The following TNFSF14 variants were observed in gnomAD, a reference collection of about 807,000 sequenced individuals.
TNFSF14 encodes tumor necrosis factor ligand superfamily member 14.
In TNFSF14, 15 loss-of-function variants were observed where a neutral mutation model predicts 22.7. The ratio of observed to expected loss-of-function variants is 0.66; its 90% CI spans 0.44 to 1.02. The LOEUF (loss-of-function observed/expected upper bound fraction) is 1.02, where lower values mean the gene tolerates loss of function less well. Ranked by LOEUF, TNFSF14 falls within the 50% of genes least tolerant of loss-of-function variation. TNFSF14 has a pLI of 0.00. For missense variants in TNFSF14, 287 were observed against 326.2 expected, an observed-to-expected ratio of 0.88 and a Z score of 0.93; for synonymous variants, 133 against 139.6, an observed-to-expected ratio of 0.95 and a Z score of 0.33.
upstream of TNFSF14, chr19:6,670,406 G>A (rs568027058): frequency 6.6e-5 from 36 of 544,684 alleles, no homozygotes; most frequent in South Asian, 3.1e-4. Flanking sequence ...TATCGACTGA[G>A]GACTTTCTGC....
rs558323173 is a variant in TNFSF14, at chr19:6,667,726, G to C, written c.220-277C>G. 9.8e-5 allele frequency among the ~76,000 whole-genome samples: 15 copies of C among 152,352 alleles called. No individual in the cohort carries two copies. In the South Asian group the frequency reaches 2.9e-3, roughly 29 times the overall value. On this transcript the variant is annotated intron_variant, in intron 1 of 3. Transcript: ENST00000675206. ...TATGTAAGGCATTATTACAGTGCTT[G>C]GCACATAGTATGCACTAGAGAAAGG...
At chr19:6,669,258 T>A (rs1202379517) in intron 1 of TNFSF14, among the ~76,000 whole-genome samples, 7 of 151,408 alleles carry the variant, frequency 4.6e-5, no homozygotes, top group Non-Finnish European at 1.0e-4. Context: ...CTGAGGCGGG[T>A]GGATCTCCTG....
In TNFSF14 at chr19:6,670,131, AT is replaced by A; in HGVS notation, c.-63del. 6.3e-7 allele frequency: 1 copy of A among 1,592,470 alleles called. No homozygotes were observed. The highest frequency in any genetic ancestry group is 1.1e-5 in the South Asian group (1 of 89,840). On this transcript the variant is annotated 5_prime_UTR_variant, in exon 1 of 4. Transcript: ENST00000675206. ...TCCTTCAACCTCAGAGGAAACCGAA[AT>A]TGCTCAACACTCCTGGGCTGTGCAC...
At chr19:6,667,082 GC>G in intron 3 of TNFSF14, 30 bp downstream of exon 3, 1 of 1,609,542 alleles carries the variant, frequency 6.2e-7, no homozygotes, top group Non-Finnish European at 8.5e-7. Context: ...CCTGACCCCT[GC>G]CCCTTGCCAG....
chr19:6,668,045 T>C (rs1917480636), intron 1 of TNFSF14, among the ~76,000 whole-genome samples: 1 of 151,374 alleles, frequency 6.6e-6, no homozygotes, highest in Non-Finnish European at 1.5e-5. Context: ...AAAAAATAAA[T>C]AAATAAATAA....
At chr19:6,666,973 C>A in intron 3 of TNFSF14, 140 bp downstream of exon 3, 2 of 522,966 alleles carry the variant, frequency 3.8e-6, no homozygotes, top group Non-Finnish European at 6.4e-6. Context: ...AAATACATAG[C>A]ACTTGCAGCC....
chr19:6,670,281 C>T (rs924609275), upstream of TNFSF14: 6 of 1,420,068 alleles, frequency 4.2e-6, no homozygotes, highest in African/African-American at 8.6e-5. Context: ...CACTCTCACT[C>T]ATACAGACTC....
Position 6,664,881 on chromosome 19 carries a change from T to G in TNFSF14, c.*45A>C, listed in dbSNP as rs761354170. 102 of 1,529,990 alleles carry G rather than the reference T, an allele frequency of 6.7e-5. 2 individuals carry two copies. The South Asian group carries it at 1.2e-3, about 18-fold the overall frequency. 94.8% of individuals were successfully genotyped at this position (1,529,990 alleles called of 1,614,324 possible). A position where few individuals can be genotyped will look rare whatever the true frequency, so the allele number is the denominator to read the frequency against. The stretch of plus-strand genomic sequence containing the variant: ...TCTTTCCCCTGAGGCACCCTCTGAG[T>G]TCTCCACGTGTCAGACCCATGTCCA... On this transcript the variant is annotated 3_prime_UTR_variant, in exon 4 of 4. Coordinates refer to ENST00000675206, the MANE Select transcript of TNFSF14 (RefSeq NM_001376887.1). This position sits in a 1 kb window ranked among gnomAD's most constrained non-coding sequence, Gnocchi z 4.7.
intron 1 of TNFSF14, 86 bp from the exon 2 acceptor site, chr19:6,667,535 G>T: frequency 1.4e-6 from 2 of 1,435,284 alleles, no homozygotes; most frequent in South Asian, 2.7e-5. Flanking sequence ...GAGACATGAG[G>T]ACCATAGCCA....
intron 1 of TNFSF14, among the ~76,000 whole-genome samples, chr19:6,667,829 T>G (rs1031695670): frequency 6.6e-6 from 1 of 151,586 alleles, no homozygotes; most frequent in Admixed American, 6.6e-5. Flanking sequence ...TTACCTGAGG[T>G]CAGGAGTTCG....
At chr19:6,666,897 AAAATAAAT>A (rs3065920) in intron 3 of TNFSF14, among the ~76,000 whole-genome samples, 21,016 of 149,000 alleles carry the variant, frequency 0.14, 1,600 homozygotes, top group Middle Eastern at 0.26. Flanking sequence ...GACTGTCTCA[AAAATAAAT>A]AAATAAATAA....
intron 3 of TNFSF14, 131 bp from the exon 4 acceptor site, chr19:6,665,481 T>C (rs1307533897): frequency 2.0e-6 from 2 of 1,013,630 alleles, no homozygotes; most frequent in Non-Finnish European, 2.8e-6. Context: ...TGATCTCGGC[T>C]TACTGCACCC....
At chr19:6,667,076 A>T (rs1200962604) in intron 3 of TNFSF14, 37 bp downstream of exon 3, 1 of 1,609,128 alleles carries the variant, frequency 6.2e-7, no homozygotes, top group South Asian at 1.1e-5. Context: ...AGACGCCCTG[A>T]CCCCTGCCCC....
Position 6,664,998 on chromosome 19 carries a change from G to A in TNFSF14, c.651C>T (p.Val217=). Residue 217 remains valine (V), a synonymous_variant, in exon 4 of 4, where the codon GTC becomes GTT. Transcript: ENST00000675206. This position sits in a 1 kb window ranked among gnomAD's most constrained non-coding sequence, Gnocchi z 4.7. ...GAACCAGGCGTTCATCCAGCACACG[G>A]ACGACCACCTTCTCCCCAGCCTCCA... ...VHLEAGEKVV[V]RVLDERLVRL... 6.2e-7 allele frequency: 1 copy of A among 1,613,654 alleles called. No homozygotes were observed. The highest frequency in any genetic ancestry group is 8.5e-7 in the Non-Finnish European group (1 of 1,179,642).
In TNFSF14 at chr19:6,665,063, C is replaced by T. The variant is rs754784230; in HGVS notation, c.586G>A (p.Val196Ile). The T allele has an allele frequency of 1.2e-6, 2 of 1,614,152 alleles. No individual in the cohort carries two copies. Among genetic ancestry groups the T allele is most frequent in the South Asian group, 2.2e-5 (2 of 91,084 alleles). Residue 196 changes from valine (V) to isoleucine (I), a missense_variant, in exon 4 of 4, where the codon GTC becomes ATC. By Grantham distance (29) the Val-to-Ile change is conservative. Transcript: ENST00000675206. ...CCCAGGAAGCTGCTGTCCCACCAGA[C>T]CCGGGAGCTGCTGGTGGCCCGTCCG... ...PCGRATSSSR[V>I]WWDSSFLGGV... is the part of the protein sequence containing the mutation.
chr19:6,662,067 G>A lies in TNFSF14; in HGVS notation c.*2859C>T, dbSNP rs1229457283. On this transcript the variant is annotated 3_prime_UTR_variant, in exon 4 of 4. Transcript: ENST00000675206. ...TGTTTTTTTGTTTTTTGAGATGGGA[G>A]CCTTGCTCTGTCACCCAGGCTGGAG... 6.6e-6 allele frequency: 1 copy of A among 152,108 alleles called. No homozygotes were observed. Among genetic ancestry groups the A allele is most frequent in the Non-Finnish European group, 1.5e-5 (1 of 68,052 alleles). The allele number at this position is 152,108 out of a possible 1,614,324, so 9.4% of individuals were successfully genotyped here.
At chr19:6,670,360 C>T (rs1917572035), upstream of TNFSF14, 3 of 1,053,712 alleles carry the variant, frequency 2.8e-6, no homozygotes, top group African/African-American at 4.8e-5. Context: ...CCCAGCTTTC[C>T]CTTCTTGGAT....
At position 6,664,222 on chromosome 19, in the gene TNFSF14, T is replaced by G. The variant is rs1198849640; in HGVS notation, c.*704A>C. On this transcript the variant is annotated 3_prime_UTR_variant, in exon 4 of 4. Coordinates refer to ENST00000675206, the MANE Select transcript of TNFSF14 (RefSeq NM_001376887.1). The surrounding 1 kb of genome is among the most constrained non-coding windows in gnomAD (Gnocchi z 4.7). Reference sequence around the variant, plus strand: ...ATGAGAGTAGGGAAGTGGATGAAGTTTCCCACCCCCAGCCAAGTCCCTGGA... The same window carrying G: ...ATGAGAGTAGGGAAGTGGATGAAGTGTCCCACCCCCAGCCAAGTCCCTGGA... 1 of 152,050 alleles carries G rather than the reference T, an allele frequency of 6.6e-6. No individual in the cohort carries two copies. Among genetic ancestry groups the G allele is most frequent in the Non-Finnish European group, 1.5e-5 (1 of 68,034 alleles). 9.4% of individuals were successfully genotyped at this position (152,050 alleles called of 1,614,324 possible).
At chr19:6,665,899 G>A (rs1325425044) in intron 3 of TNFSF14, among the ~76,000 whole-genome samples, 1 of 151,920 alleles carries the variant, frequency 6.6e-6, no homozygotes, top group African/African-American at 2.4e-5. Flanking sequence ...AGGCTCCCAA[G>A]TGCTGGGATT....
Sources: gnomAD v4.1 joint callset for allele counts (sites outside exome capture counted in the v4.1 genomes callset) on GRCh38, gnomAD v4.1.1 for gene constraint, Gnocchi (gnomAD v3.1) non-coding constraint, MANE v1.5 for transcripts, NCBI Gene and HGNC (gene_info 2026-07-23, HGNC 2026-07-21) for gene names.